Variants in SPIC observed in about 807,000 individuals in gnomAD.
SPIC encodes the protein transcription factor Spi-C.
Under a neutral mutation model 16.7 loss-of-function variants are expected in SPIC, and 9 were observed. That is an observed-to-expected ratio of 0.54 (90% CI 0.33 to 0.94). The LOEUF (loss-of-function observed/expected upper bound fraction) is 0.94. Ranked by LOEUF, SPIC falls within the 40% of genes least tolerant of loss-of-function variation. SPIC has a pLI of 0.03. For missense variants in SPIC, 241 were observed against 285.8 expected (o/e 0.84, Z 1.13); for synonymous variants, 97 against 102.9 (o/e 0.94, Z 0.35).
intron 5 of SPIC, among the ~76,000 whole-genome samples, chr12:101,483,186 G>A (rs1011488451): frequency 3.3e-5 from 5 of 150,866 alleles, no homozygotes; most frequent in Non-Finnish European, 7.4e-5. Context: ...GATTACAGGT[G>A]TGAGCCACCA....
chr12:101,486,160 C>G (rs1462616488), intron 5 of SPIC, among the ~76,000 whole-genome samples, 184 bp from the exon 6 acceptor site: 2 of 152,144 alleles, frequency 1.3e-5, no homozygotes, highest in Non-Finnish European at 2.9e-5. Context: ...TTCAATAGGC[C>G]AAATAGATCC....
chr12:101,481,041 T>C (rs1873172629), intron 4 of SPIC, among the ~76,000 whole-genome samples: 1 of 152,198 alleles, frequency 6.6e-6, no homozygotes, highest in Non-Finnish European at 1.5e-5. Flanking sequence ...GTCAGCCTTC[T>C]TGATTGGGGT....
intron 3 of SPIC, among the ~76,000 whole-genome samples, chr12:101,478,153 TCCCGAGTAGCTGGGACTACAGGCG>T (rs1299516675): frequency 6.8e-6 from 1 of 148,084 alleles, no homozygotes; most frequent in Non-Finnish European, 1.5e-5. Flanking sequence ...TGCCTCAGCC[TCCCGAGTAGCTGGGACTACAGGCG>T]CCCGCCACCA....
chr12:101,484,146 T>G (rs1379028615), intron 5 of SPIC, among the ~76,000 whole-genome samples: 6 of 152,128 alleles, frequency 3.9e-5, no homozygotes, highest in African/African-American at 1.4e-4. Context: ...CTAGAAAGCT[T>G]TTTTTAAAAA....
chr12:101,479,343 G>GAAAGAAAT (rs1873112768), intron 3 of SPIC, among the ~76,000 whole-genome samples: 1 of 149,852 alleles, frequency 6.7e-6, no homozygotes, highest in Non-Finnish European at 1.5e-5. Flanking sequence ...AAGAAAGAAA[G>GAAAGAAAT]AAAGAAAGAA....
chr12:101,481,313 A>T (rs895142807), intron 4 of SPIC, among the ~76,000 whole-genome samples: 2 of 151,994 alleles, frequency 1.3e-5, no homozygotes, highest in African/African-American at 4.8e-5. Flanking sequence ...CAGCTTCCCA[A>T]GTAGCTGGGA....
chr12:101,477,803 G>C (rs1397014713), intron 3 of SPIC, 152 bp downstream of exon 3: 1 of 640,568 alleles, frequency 1.6e-6, no homozygotes, highest in Non-Finnish European at 2.7e-6. Flanking sequence ...GATCACTTAA[G>C]ACCAGGAATT....
At chr12:101,486,307 C>A in intron 5 of SPIC, 37 bp from the exon 6 acceptor site, 1 of 1,564,704 alleles carries the variant, frequency 6.4e-7, no homozygotes, top group South Asian at 1.2e-5. Context: ...CGGTTTACAG[C>A]CACGGTGGAG....
chr12:101,486,534 C>T lies in SPIC; in HGVS notation c.510C>T (p.Ala170=). 2 of 1,614,058 alleles carry T rather than the reference C, an allele frequency of 1.2e-6. No homozygotes were observed. Among genetic ancestry groups the T allele is most frequent in the Non-Finnish European group, 1.7e-6 (2 of 1,180,010 alleles). ...AGACCATGACTTACCAGAAAATGGC[C>T]AGGGCACTCAGAAATTACGGAAGAA... is the stretch of plus-strand genomic sequence containing the variant. ...NRKTMTYQKM[A]RALRNYGRSG... The change falls in exon 6 of 6, where the codon GCC becomes GCT. Residue 170 remains alanine (A), a synonymous_variant. Coordinates refer to ENST00000551346, the MANE Select transcript of SPIC (RefSeq NM_152323.3).
chr12:101,476,198 C>G (rs1872952498), intron 1 of SPIC, among the ~76,000 whole-genome samples: 1 of 152,030 alleles, frequency 6.6e-6, no homozygotes, highest in South Asian at 2.1e-4. Context: ...GTCTATAGAA[C>G]GTAGAGTTAA....
intron 3 of SPIC, among the ~76,000 whole-genome samples, chr12:101,479,242 A>AAGAAAAAG (rs1555208989): frequency 6.7e-5 from 3 of 45,024 alleles, no homozygotes; most frequent in Non-Finnish European, 1.1e-4. Flanking sequence ...GAAAGAAAGA[A>AAGAAAAAG]AAAGAAAGAA....
intron 2 of SPIC, among the ~76,000 whole-genome samples, 166 bp from the exon 3 acceptor site, chr12:101,477,392 C>T (rs1303834958): frequency 6.6e-6 from 1 of 152,152 alleles, no homozygotes; most frequent in Non-Finnish European, 1.5e-5. Context: ...TGCTAAACAT[C>T]GTACAATGCA....
At chr12:101,479,725 C>T in intron 4 of SPIC, 31 bp downstream of exon 4, 3 of 1,501,668 alleles carry the variant, frequency 2.0e-6, no homozygotes, top group Non-Finnish European at 2.8e-6. Flanking sequence ...TAATAACAGG[C>T]AAATATCCTA....
chr12:101,476,977 C>CT, intron 2 of SPIC, 70 bp downstream of exon 2: 1 of 971,610 alleles, frequency 1.0e-6, no homozygotes, highest in African/African-American at 1.7e-5. Flanking sequence ...AATTAAAAAA[C>CT]TTTTTTCTTT....
At chr12:101,480,305 G>C (rs542787962) in intron 4 of SPIC, among the ~76,000 whole-genome samples, 1 of 152,174 alleles carries the variant, frequency 6.6e-6, no homozygotes, top group Non-Finnish European at 1.5e-5. Flanking sequence ...TAGTCCATCT[G>C]GGAAATTGCA....
chr12:101,479,172 AAAAGAAAGAAAGAAAG>A lies in SPIC; in HGVS notation c.98-375_98-360del, dbSNP rs199501054. 4.9e-3 allele frequency among the ~76,000 whole-genome samples: 404 copies of A among 82,958 alleles called. 6 individuals carry two copies. The highest frequency in any genetic ancestry group is 0.014 in the African/African-American group (249 of 17,832). 54.4% of individuals were successfully genotyped at this position (82,958 alleles called of 152,430 possible). On this transcript the variant is annotated intron_variant, in intron 3 of 5. Transcript: ENST00000551346. ...AAGAAAGAAAAGAAAGAAAGAAAGA[AAAAGAAAGAAAGAAAG>A]AAAGAAAGAAAGAAAGAAAGAAAGA...
intron 5 of SPIC, among the ~76,000 whole-genome samples, chr12:101,483,575 T>A (rs1873276133): frequency 6.6e-6 from 1 of 152,136 alleles, no homozygotes; most frequent in African/African-American, 2.4e-5. Flanking sequence ...ATACAGTAGA[T>A]ACTAGGTGAT....
At chr12:101,476,236 A>G (rs1872954685) in intron 1 of SPIC, among the ~76,000 whole-genome samples, 1 of 152,146 alleles carries the variant, frequency 6.6e-6, no homozygotes, top group South Asian at 2.1e-4. Flanking sequence ...TCGGTGTGAT[A>G]ATTGTTTCTC....
chr12:101,481,533 G>A (rs1873197847), intron 4 of SPIC, among the ~76,000 whole-genome samples: 1 of 142,712 alleles, frequency 7.0e-6, no homozygotes, highest in Admixed American at 7.2e-5. Context: ...TTTTGAGATA[G>A]AGTTTCACTG....
Sources: allele counts gnomAD v4.1 joint callset (sites outside exome capture counted in the v4.1 genomes callset), GRCh38; gene constraint gnomAD v4.1.1; transcripts MANE v1.5; gene names NCBI Gene and HGNC (gene_info 2026-07-23, HGNC 2026-07-21).